The following ROBO1 variants were observed in gnomAD, a reference collection of about 807,000 sequenced individuals.
The protein encoded by ROBO1 is roundabout guidance receptor 1.
Under a neutral mutation model 195.9 loss-of-function variants are expected in ROBO1, and 149 were observed. The observed-to-expected ratio is 0.76, with a 90% CI of 0.67 to 0.87. The LOEUF (loss-of-function observed/expected upper bound fraction) is 0.87, where lower values mean the gene tolerates loss of function less well. Ranked by LOEUF, ROBO1 falls within the 40% of genes least tolerant of loss-of-function variation. The pLI is 0.00. For missense variants in ROBO1, 1,933 were observed against 2,068.3 expected (o/e 0.93, Z 1.27); for synonymous variants, 816 against 733.2 (o/e 1.11, Z -1.82).
At chr3:79,684,715 G>A (rs1047431741) in intron 1 of ROBO1, among the ~76,000 whole-genome samples, 32 of 152,028 alleles carry the variant, frequency 2.1e-4, no homozygotes, top group Non-Finnish European at 3.1e-4. Flanking sequence ...TTGCTCTGTC[G>A]CCCAGACTGG....
chr3:78,943,380 T>C (rs760631494), intron 3 of ROBO1, among the ~76,000 whole-genome samples: 1 of 152,144 alleles, frequency 6.6e-6, no homozygotes, highest in South Asian at 2.1e-4. Context: ...CAGTCCCCTA[T>C]AGCGAAACCA....
At chr3:79,566,535 T>G (rs1478390808) in intron 2 of ROBO1, among the ~76,000 whole-genome samples, 2 of 152,094 alleles carry the variant, frequency 1.3e-5, no homozygotes, top group African/African-American at 4.8e-5. Context: ...CTTTTAAATA[T>G]TGGTGCAAAT....
At chr3:79,171,852 T>C (rs565618698) in intron 2 of ROBO1, among the ~76,000 whole-genome samples, 2 of 152,222 alleles carry the variant, frequency 1.3e-5, no homozygotes, top group South Asian at 2.1e-4. Flanking sequence ...ATATGTAACA[T>C]TATTACTTAT....
intron 2 of ROBO1, 27 bp downstream of exon 2, chr3:79,589,797 T>C (rs1943940058): frequency 3.9e-6 from 6 of 1,553,482 alleles, no homozygotes; most frequent in Non-Finnish European, 5.3e-6. Flanking sequence ...TGGTTAAGTA[T>C]TGATGAAACA....
chr3:78,985,969 C>T (rs1461316039), intron 3 of ROBO1, among the ~76,000 whole-genome samples: 1 of 152,046 alleles, frequency 6.6e-6, no homozygotes, highest in Admixed American at 6.6e-5. Context: ...GAGCCCAAGA[C>T]AAAGCCTTAA....
chr3:78,881,223 AAGG>A (rs1359120104), intron 4 of ROBO1, among the ~76,000 whole-genome samples: 1 of 152,154 alleles, frequency 6.6e-6, no homozygotes, highest in East Asian at 1.9e-4. Flanking sequence ...GAGCTGTACG[AAGG>A]AGAAGAGACT....
At chr3:79,526,863 G>A (rs1178484502) in intron 2 of ROBO1, among the ~76,000 whole-genome samples, 1 of 152,126 alleles carries the variant, frequency 6.6e-6, no homozygotes, top group African/African-American at 2.4e-5. Context: ...TAATAAAAAT[G>A]TGTCAAACAA....
At chr3:78,779,805 CAT>C (rs747739617) in intron 4 of ROBO1, among the ~76,000 whole-genome samples, 65 of 152,126 alleles carry the variant, frequency 4.3e-4, no homozygotes, top group Non-Finnish European at 7.8e-4. Context: ...CATATGCACA[CAT>C]ATGTTTATTG....
intron 2 of ROBO1, among the ~76,000 whole-genome samples, chr3:79,462,539 A>C (rs957178610): frequency 6.6e-6 from 1 of 152,248 alleles, no homozygotes; most frequent in African/African-American, 2.4e-5. Context: ...AATTTTTAAA[A>C]GTTTTGTAGA....
intron 14 of ROBO1, 126 bp downstream of exon 14, chr3:78,667,757 A>G: frequency 1.1e-6 from 1 of 921,020 alleles, no homozygotes; most frequent in Non-Finnish European, 1.6e-6. Flanking sequence ...TAATTAAGCA[A>G]CTTGGGCAAC....
intron 28 of ROBO1, among the ~76,000 whole-genome samples, chr3:78,607,629 T>G (rs568880784): frequency 7.2e-5 from 11 of 152,282 alleles, no homozygotes; most frequent in Middle Eastern, 6.8e-3. Context: ...GTACTGTAAC[T>G]TTCTCTCTCC....
intron 2 of ROBO1, among the ~76,000 whole-genome samples, chr3:79,249,588 GA>G (rs1313877826): frequency 2.0e-5 from 3 of 152,242 alleles, no homozygotes; most frequent in South Asian, 4.1e-4. Flanking sequence ...CTACAACAGG[GA>G]AAACTTAAAC....
chr3:78,746,654 T>A (rs557493171), intron 5 of ROBO1, 89 bp downstream of exon 5: 1 of 1,133,578 alleles, frequency 8.8e-7, no homozygotes, highest in South Asian at 3.2e-5. Context: ...TTATTGAAAA[T>A]AATCTACTTC....
intron 3 of ROBO1, among the ~76,000 whole-genome samples, chr3:78,992,836 T>C (rs1422787260): frequency 6.6e-6 from 1 of 152,156 alleles, no homozygotes; most frequent in African/African-American, 2.4e-5. Flanking sequence ...CACCTAGTGT[T>C]TTCCAGAGCA....
intron 2 of ROBO1, among the ~76,000 whole-genome samples, chr3:79,143,816 T>A (rs189147599): frequency 1.3e-5 from 2 of 152,072 alleles, no homozygotes; most frequent in African/African-American, 4.8e-5. Flanking sequence ...ATTAAATGGG[T>A]CATTCACGCT....
chr3:79,594,150 T>A (rs543633897), intron 1 of ROBO1, among the ~76,000 whole-genome samples: 1 of 152,124 alleles, frequency 6.6e-6, no homozygotes, highest in East Asian at 1.9e-4. Context: ...TTTTAGGATA[T>A]AACGTTATTA....
intron 2 of ROBO1, among the ~76,000 whole-genome samples, chr3:79,211,054 T>C (rs1342544255): frequency 6.6e-6 from 1 of 152,116 alleles, no homozygotes; most frequent in African/African-American, 2.4e-5. Flanking sequence ...AAGAGAAAAT[T>C]TGAGTATCTT....
intron 3 of ROBO1, among the ~76,000 whole-genome samples, chr3:79,059,256 G>T (rs1008766430): frequency 6.6e-6 from 1 of 152,016 alleles, no homozygotes; most frequent in African/African-American, 2.4e-5. Context: ...ACAAATTTTT[G>T]AAAACTCTCA....
At chr3:79,700,910 T>A (rs1477873866) in intron 1 of ROBO1, among the ~76,000 whole-genome samples, 1 of 151,800 alleles carries the variant, frequency 6.6e-6, no homozygotes, top group Non-Finnish European at 1.5e-5. Context: ...AAGGTCACCA[T>A]TTTAGAAAGT....
Sources: gnomAD v4.1 joint callset for allele counts (sites outside exome capture counted in the v4.1 genomes callset) on GRCh38, gnomAD v4.1.1 for gene constraint, MANE v1.5 for transcripts, NCBI Gene and HGNC (gene_info 2026-07-23, HGNC 2026-07-21) for gene names.